ANKS3: variants seen among roughly 807,000 people sequenced by gnomAD.
ANKS3 encodes ankyrin repeat and sterile alpha motif domain containing 3, also known as ankyrin repeat and SAM domain-containing protein 3.
ANKS3 carries 62 observed loss-of-function variants against 80.7 expected under a neutral mutation model. That is an observed-to-expected ratio of 0.77 (90% confidence interval 0.63 to 0.95). The LOEUF (loss-of-function observed/expected upper bound fraction) is 0.95. ANKS3 is among the 40% of genes least tolerant of loss of function. ANKS3 has a pLI of 0.00. For missense variants in ANKS3, 1,150 were observed against 883.6 expected (o/e 1.30, Z -3.82); for synonymous variants, 489 against 355.3 (o/e 1.38, Z -4.23).
At chr16:4,722,325 A>G (rs2081144722) in intron 6 of ANKS3, among the ~76,000 whole-genome samples, 1 of 151,688 alleles carries the variant, frequency 6.6e-6, no homozygotes, top group African/African-American at 2.4e-5. Flanking sequence ...TCACACCTGT[A>G]ATCCCAGCAC....
chr16:4,715,682 A>G (rs1320559370), intron 6 of ANKS3, among the ~76,000 whole-genome samples: 2 of 152,198 alleles, frequency 1.3e-5, no homozygotes, highest in Non-Finnish European at 2.9e-5. Context: ...ACAGAAAACA[A>G]TATTGGAAGG....
rs2080899369 is a variant in ANKS3, at chr16:4,718,115, C to G, written c.574-3929G>C. On this transcript the variant is annotated intron_variant, in intron 6 of 17. Transcript: ENST00000304283. The stretch of plus-strand genomic sequence containing the variant: ...TTTTTTTTTAATTTAGAGACAAGGT[C>G]TCACTGTATTGCCCAGACTGGTCTC... 2.1e-5 allele frequency among the ~76,000 whole-genome samples: 3 copies of G among 145,234 alleles called. No individual in the cohort carries two copies. In the South Asian group the frequency reaches 6.5e-4, roughly 32 times the overall value.
chr16:4,731,264 T>C (rs1394779271), intron 2 of ANKS3, among the ~76,000 whole-genome samples: 2 of 152,194 alleles, frequency 1.3e-5, no homozygotes, highest in Non-Finnish European at 2.9e-5. Context: ...AACACCAAAA[T>C]GAATTTTACT....
At chr16:4,730,778 G>C (rs916424774) in intron 2 of ANKS3, among the ~76,000 whole-genome samples, 3 of 152,114 alleles carry the variant, frequency 2.0e-5, no homozygotes, top group Non-Finnish European at 4.4e-5. Context: ...CTTGAACTGA[G>C]GAGGCGGAGG....
At chr16:4,704,427 ACT>A (rs1383221931) in intron 8 of ANKS3, among the ~76,000 whole-genome samples, 1 of 152,044 alleles carries the variant, frequency 6.6e-6, no homozygotes, top group Non-Finnish European at 1.5e-5. Context: ...GGAAGACATA[ACT>A]CACACCTCCA....
intron 7 of ANKS3, among the ~76,000 whole-genome samples, chr16:4,706,951 C>T (rs1038050654): frequency 1.3e-5 from 2 of 152,216 alleles, no homozygotes; most frequent in South Asian, 2.1e-4. Flanking sequence ...AGGCCCTGAA[C>T]GTGGGCCACT....
chr16:4,705,288 C>A, intron 7 of ANKS3, 35 bp from the exon 8 acceptor site: 2 of 1,597,438 alleles, frequency 1.3e-6, no homozygotes, highest in South Asian at 1.1e-5. Context: ...ATAGTGTGTT[C>A]AGTAATGGAC....
intron 7 of ANKS3, among the ~76,000 whole-genome samples, chr16:4,713,646 G>A (rs908977296): frequency 2.4e-4 from 37 of 152,176 alleles, no homozygotes; most frequent in African/African-American, 8.0e-4. Context: ...CAAAGATATA[G>A]TTAATTTATA....
At chr16:4,722,886 C>T (rs1263822390) in intron 6 of ANKS3, among the ~76,000 whole-genome samples, 2 of 150,980 alleles carry the variant, frequency 1.3e-5, no homozygotes, top group African/African-American at 4.9e-5. Context: ...CCACTGCACT[C>T]CAGCCTTCCA....
In ANKS3 at chr16:4,719,906, G is replaced by A; in HGVS notation, c.573+4844C>T. On this transcript the variant is annotated intron_variant, in intron 6 of 17. Coordinates refer to ENST00000304283, the MANE Select transcript of ANKS3 (RefSeq NM_133450.4). ...TGGCCAGGCACAGTGGCTCACGCCT[G>A]TAATCCCAGCACTTTGGGAGGCTGA... Among the ~76,000 whole-genome samples the A allele has an allele frequency of 1.3e-5, 2 of 152,088 alleles. 1 individual carries two copies. Among genetic ancestry groups the A allele is most frequent in the Non-Finnish European group, 2.9e-5 (2 of 68,000 alleles).
Position 4,714,060 on chromosome 16 carries a change from G to C in ANKS3, c.700C>G (p.Arg234Gly). The change falls in exon 7 of 18, where the codon CGG becomes GGG. Residue 234 changes from arginine to glycine, a missense_variant. Transcript: ENST00000304283. ...YSPSLPKSLY[R>G]SPEKYEDLSS... ...TGGCAGGTGTGGGTACCTGGGCTCC[G>C]ATAGAGGCTCTTGGGCAGAGAGGGC... 5 of 1,614,148 alleles carry C rather than the reference G, an allele frequency of 3.1e-6. No individual in the cohort carries two copies. Among genetic ancestry groups the C allele is most frequent in the Non-Finnish European group, 4.2e-6 (5 of 1,180,008 alleles).
In ANKS3 at chr16:4,729,997, C is replaced by G; in HGVS notation, c.153G>C (p.Val51=). 6.5e-7 allele frequency: 1 copy of G among 1,533,438 alleles called. No homozygotes were observed. The highest frequency in any genetic ancestry group is 8.8e-7 in the Non-Finnish European group (1 of 1,131,662). The allele number at this position is 1,533,438 out of a possible 1,614,324, so 95.0% of individuals were successfully genotyped here. The part of the protein sequence containing the change: ...TAASIGQYEV[V]KECVQRRELD... ...TCTCTTACCGCTGCACACACTCCTTCACCACTTCATACTGGCCAATGGAAG... is the reference window on the plus strand; with the variant it reads ...TCTCTTACCGCTGCACACACTCCTTGACCACTTCATACTGGCCAATGGAAG... The change falls in exon 3 of 18, where the codon GTG becomes GTC. Residue 51 remains valine (V), a synonymous_variant. Coordinates refer to ENST00000304283, the MANE Select transcript of ANKS3 (RefSeq NM_133450.4).
chr16:4,726,459 G>C (rs1360129312), intron 5 of ANKS3, among the ~76,000 whole-genome samples, 200 bp downstream of exon 5: 3 of 152,246 alleles, frequency 2.0e-5, no homozygotes, highest in Non-Finnish European at 4.4e-5. Context: ...AAAGGAAGCT[G>C]AGAGGGCTTG....
chr16:4,697,105 C>G lies in ANKS3; in HGVS notation c.1895-1G>C. 6.2e-7 allele frequency: 1 copy of G among 1,613,320 alleles called. No individual in the cohort carries two copies. Among genetic ancestry groups the G allele is most frequent in the Non-Finnish European group, 8.5e-7 (1 of 1,179,744 alleles). On this transcript the variant is annotated splice_acceptor_variant, in intron 16 of 17. Transcript: ENST00000304283. LOFTEE classifies it high-confidence loss of function. ...TGGGTCACTAAGCACAGTGCTTGCC[C>G]TGAGGAATGATGACCTTGAGCCTCT... is the stretch of plus-strand genomic sequence containing the variant.
intron 8 of ANKS3, 62 bp from the exon 9 acceptor site, chr16:4,702,304 G>A (rs934063259): frequency 2.5e-5 from 35 of 1,398,476 alleles, no homozygotes; most frequent in South Asian, 4.9e-5. Flanking sequence ...CTCAGAGGCC[G>A]AGGCCCAGGA....
In ANKS3 at chr16:4,698,596, A is replaced by G. The variant is rs757108970; in HGVS notation, c.1555T>C (p.Cys519Arg). The G allele has an allele frequency of 6.4e-7, 1 of 1,559,834 alleles. No individual in the cohort carries two copies. The highest frequency in any genetic ancestry group is 8.6e-7 in the Non-Finnish European group (1 of 1,160,286). ...CCCCGCGTGGCCTCTACCTCCTCGC[A>G]GCGCTGCAGGGGGGTGGGGGGCGCG... ...QELAIQLHKR[C>R]EEVEATRGQV... The change falls in exon 14 of 18, where the codon TGC becomes CGC. Residue 519 changes from cysteine (C) to arginine (R), a missense_variant. Cys to Arg is a radical substitution (Grantham distance 180). Transcript: ENST00000304283.
rs200344881 is a variant in ANKS3 at position 4,705,152 on chromosome 16, C to T, written c.811G>A (p.Ala271Thr). 29 of 1,613,688 alleles carry T rather than the reference C, an allele frequency of 1.8e-5. No individual in the cohort carries two copies. The East Asian group carries it at 5.3e-4, about 30-fold the overall frequency. ...CCAATGCCTGTGATCCTGGCCAGGGCTCGCGGTCCCTCGTGGATGCTGACA... is the reference window on the plus strand; with the variant it reads ...CCAATGCCTGTGATCCTGGCCAGGGTTCGCGGTCCCTCGTGGATGCTGACA... The part of the protein sequence containing the change: ...KGVSIHEGPR[A>T]LARITGIGLG... Residue 271 changes from alanine (A) to threonine (T), a missense_variant, in exon 8 of 18, where the codon GCC becomes ACC. Transcript: ENST00000304283.
At chr16:4,712,547 C>A (rs2080552197) in intron 7 of ANKS3, among the ~76,000 whole-genome samples, 1 of 152,102 alleles carries the variant, frequency 6.6e-6, no homozygotes, top group Non-Finnish European at 1.5e-5. Flanking sequence ...TTAGGAGGTT[C>A]ATGAAGACAA....
At chr16:4,697,775 A>G (rs1378892801) in intron 15 of ANKS3, among the ~76,000 whole-genome samples, 4 of 152,160 alleles carry the variant, frequency 2.6e-5, no homozygotes, top group Non-Finnish European at 5.9e-5. Flanking sequence ...GGGGATAGGC[A>G]GTTTTCCTGT....
Sources: gnomAD v4.1 joint callset for allele counts (sites outside exome capture counted in the v4.1 genomes callset) on GRCh38, gnomAD v4.1.1 for gene constraint, MANE v1.5 for transcripts, NCBI Gene and HGNC (gene_info 2026-07-23, HGNC 2026-07-21) for gene names.